NTM: variants seen among roughly 807,000 people sequenced by gnomAD.
NTM encodes IgLON family member 2.
Under a neutral mutation model 42.1 loss-of-function variants are expected in NTM, and 13 were observed. The ratio of observed to expected loss-of-function variants is 0.31; its 90% CI spans 0.20 to 0.49. The LOEUF is 0.49. NTM is among the 20% of genes least tolerant of loss of function. The pLI is 0.99. For missense variants in NTM, 373 were observed against 452.8 expected, an observed-to-expected ratio of 0.82 and a Z score of 1.60; for synonymous variants, 187 against 179.2, an observed-to-expected ratio of 1.04 and a Z score of -0.35.
At chr11:131,487,985 G>A (rs939644147) in intron 1 of NTM, among the ~76,000 whole-genome samples, 2 of 152,310 alleles carry the variant, frequency 1.3e-5, no homozygotes, top group African/African-American at 4.8e-5. Flanking sequence ...ACCAGAGCTG[G>A]TAGTGGGGAA....
intron 1 of NTM, among the ~76,000 whole-genome samples, chr11:131,542,624 G>A (rs1370886222): frequency 6.6e-6 from 1 of 152,042 alleles, no homozygotes; most frequent in Admixed American, 6.5e-5. Context: ...CCCTATTTTA[G>A]CACCCACATT....
At chr11:131,513,671 T>G (rs1040001839) in intron 1 of NTM, among the ~76,000 whole-genome samples, 3 of 152,220 alleles carry the variant, frequency 2.0e-5, no homozygotes, top group Non-Finnish European at 4.4e-5. Flanking sequence ...TAAAGCATTA[T>G]GATTATCTTT....
chr11:131,609,903 A>T (rs1546401), intron 1 of NTM, among the ~76,000 whole-genome samples: 1 of 152,070 alleles, frequency 6.6e-6, no homozygotes, highest in Non-Finnish European at 1.5e-5. Context: ...AGCTCAGGTT[A>T]CCTGTTTTTC....
chr11:131,518,183 T>G (rs575646345), intron 1 of NTM, among the ~76,000 whole-genome samples: 2 of 152,314 alleles, frequency 1.3e-5, no homozygotes, highest in African/African-American at 4.8e-5. Flanking sequence ...CCTGTCCTAG[T>G]GGAGCTTATA....
At chr11:131,598,167 C>G (rs1263369477) in intron 1 of NTM, among the ~76,000 whole-genome samples, 3 of 147,948 alleles carry the variant, frequency 2.0e-5, no homozygotes, top group Non-Finnish European at 4.5e-5. Flanking sequence ...GGACACAACT[C>G]ACAGTTTATC....
chr11:131,983,374 CTTT>C (rs151133606), intron 2 of NTM, among the ~76,000 whole-genome samples: 3 of 122,404 alleles, frequency 2.5e-5, no homozygotes, highest in Admixed American at 9.0e-5. Context: ...AAAATTGTAT[CTTT>C]TTTTTTTTTT....
chr11:132,201,335 G>A (rs192012778), intron 3 of NTM, among the ~76,000 whole-genome samples: 191 of 152,294 alleles, frequency 1.3e-3, no homozygotes, highest in Non-Finnish European at 2.4e-3. Flanking sequence ...GATAGAAGTG[G>A]CAGTCACCAT....
rs571849523 is a variant in NTM, at chr11:131,703,404, T to C, written c.83-208160T>C. 7.9e-5 allele frequency among the ~76,000 whole-genome samples: 12 copies of C among 152,334 alleles called. No individual in the cohort carries two copies. The South Asian group carries it at 2.5e-3, about 32-fold the overall frequency. ...ATGTAGAAGTAAATACAAATAAATA[T>C]ACATCAGGATTTTGGAAGGAGAAAG... On this transcript the variant is annotated intron_variant, in intron 1 of 8. Coordinates refer to ENST00000683400, the MANE Select transcript of NTM (RefSeq NM_001352005.2).
intron 1 of NTM, among the ~76,000 whole-genome samples, chr11:131,456,291 G>A (rs1950885262): frequency 6.6e-6 from 1 of 152,220 alleles, no homozygotes; most frequent in African/African-American, 2.4e-5. Context: ...CCAGAAACCA[G>A]GCTAGCAGAG....
At chr11:132,252,617 GA>G (rs2092070357) in intron 4 of NTM, among the ~76,000 whole-genome samples, 1 of 152,182 alleles carries the variant, frequency 6.6e-6, no homozygotes, top group South Asian at 2.1e-4. Context: ...AAAAGAGAGA[GA>G]AAAACAACTT....
At chr11:132,017,030 G>A (rs1029602522) in intron 2 of NTM, among the ~76,000 whole-genome samples, 15 of 151,742 alleles carry the variant, frequency 9.9e-5, no homozygotes, top group African/African-American at 3.6e-4. Context: ...ATATATTCTG[G>A]ACACAAATCC....
chr11:132,115,856 C>G (rs1336625812), intron 2 of NTM, among the ~76,000 whole-genome samples: 1 of 152,218 alleles, frequency 6.6e-6, no homozygotes, highest in African/African-American at 2.4e-5. Context: ...GAGCCCTGCT[C>G]TTTCATCAGC....
At position 131,508,941 on chromosome 11, in the gene NTM, C is replaced by T. The variant is rs541756422; in HGVS notation, c.82+138053C>T. On this transcript the variant is annotated intron_variant, in intron 1 of 8. Transcript: ENST00000683400. ...GGGAGATATACCTAATGCTAGATGA[C>T]GAGTTACTGGGTGCAGCGCACCAAC... Among the ~76,000 whole-genome samples, 199 of 149,590 alleles carry T rather than the reference C, an allele frequency of 1.3e-3. 1 individual carries two copies. Among genetic ancestry groups the T allele is most frequent in the African/African-American group, 4.4e-3 (179 of 40,466 alleles).
intron 1 of NTM, among the ~76,000 whole-genome samples, chr11:131,506,849 T>A (rs2047551072): frequency 6.6e-6 from 1 of 152,188 alleles, no homozygotes; most frequent in East Asian, 1.9e-4. Context: ...TCCTTTTAAT[T>A]CCAGGGGAAC....
intron 2 of NTM, among the ~76,000 whole-genome samples, chr11:132,121,829 C>G (rs1010444919): frequency 4.6e-5 from 7 of 152,142 alleles, no homozygotes; most frequent in African/African-American, 1.7e-4. Context: ...CATTAGAGTT[C>G]AATTCTTCTG....
intron 1 of NTM, among the ~76,000 whole-genome samples, chr11:131,763,709 CTTTTTTTTTT>C (rs557522093): frequency 2.8e-5 from 2 of 71,360 alleles, no homozygotes; most frequent in Non-Finnish European, 5.2e-5. Context: ...ATCTCTCTCT[CTTTTTTTTTT>C]TTTTTTTTTT....
At chr11:132,242,592 C>T (rs562169973) in intron 4 of NTM, among the ~76,000 whole-genome samples, 6 of 152,208 alleles carry the variant, frequency 3.9e-5, no homozygotes, top group Non-Finnish European at 5.9e-5. Context: ...CCTGCGCAGC[C>T]TGGGCTGGGT....
rs1034649068 is a variant in NTM, at chr11:132,014,742, T to TTG, written c.167+103095_167+103096insGT. ...CTTTTTAAGAGAATTACTTGTTTTT[T>TTG]TTTTTTTTTTTTTTGCTGTTGAGTT... is the stretch of plus-strand genomic sequence containing the variant. On this transcript the variant is annotated intron_variant, in intron 2 of 8. Transcript: ENST00000683400. Among the ~76,000 whole-genome samples the TTG allele has an allele frequency of 3.0e-4, 43 of 144,006 alleles. 1 individual carries two copies. The highest frequency in any genetic ancestry group is 6.0e-4 in the Non-Finnish European group (39 of 64,666). The allele number at this position is 144,006 out of a possible 152,430, so 94.5% of individuals were successfully genotyped here.
chr11:131,608,715 CCT>C (rs1384317686), intron 1 of NTM, among the ~76,000 whole-genome samples: 3 of 152,098 alleles, frequency 2.0e-5, no homozygotes, highest in South Asian at 2.1e-4. Context: ...TTTTACATCC[CCT>C]CTCTCTCTTT....
Sources: allele counts gnomAD v4.1 joint callset (sites outside exome capture counted in the v4.1 genomes callset), GRCh38; gene constraint gnomAD v4.1.1; transcripts MANE v1.5; gene names NCBI Gene and HGNC (gene_info 2026-07-23, HGNC 2026-07-21).